Variants in SLC25A21 observed in about 807,000 individuals in gnomAD.
The protein encoded by SLC25A21 is solute carrier family 25 member 21, also known as mitochondrial 2-oxodicarboxylate carrier.
A neutral mutation model predicts 43.8 loss-of-function variants in SLC25A21; 47 were observed. That is an observed-to-expected ratio of 1.07 (90% CI 0.85 to 1.37). SLC25A21 has a LOEUF of 1.37. Among genes scored for constraint, SLC25A21 ranks in the 40% most tolerant of loss-of-function variants. The pLI is 0.00. For missense variants in SLC25A21, 352 were observed against 350.2 expected (o/e 1.00, Z -0.04); for synonymous variants, 131 against 121.3 (o/e 1.08, Z -0.52).
chr14:37,130,101 A>AC (rs1555348969), intron 1 of SLC25A21, among the ~76,000 whole-genome samples: 7 of 150,852 alleles, frequency 4.6e-5, no homozygotes, highest in African/African-American at 9.8e-5. Flanking sequence ...AAAAAAAAAA[A>AC]AACAACTTTA....
rs183220501 is a variant in SLC25A21, at chr14:37,002,903, G to A, written c.71-127899C>T. Among the ~76,000 whole-genome samples, 11 of 152,270 alleles carry A rather than the reference G, an allele frequency of 7.2e-5. No individual in the cohort carries two copies. In the East Asian group the frequency reaches 1.5e-3, roughly 21 times the overall value. On this transcript the variant is annotated intron_variant, in intron 1 of 9. Coordinates refer to ENST00000331299, the MANE Select transcript of SLC25A21 (RefSeq NM_030631.4). ...GTAAAAGGTAACAGGTATAATTTAA[G>A]ACTGTCTGGCATTATCTGCTACAGC... is the stretch of plus-strand genomic sequence containing the variant.
intron 1 of SLC25A21, among the ~76,000 whole-genome samples, chr14:37,025,510 T>A (rs771643985): frequency 7.2e-5 from 11 of 152,184 alleles, no homozygotes; most frequent in Non-Finnish European, 1.3e-4. Context: ...CAAATTAATT[T>A]GTGTTCGGAT....
In SLC25A21 at chr14:36,919,649, A is replaced by ATCTATCTATCTATCTATCTG. The variant is rs1555336820; in HGVS notation, c.71-44646_71-44645insCAGATAGATAGATAGATAGA. ...TATCTATCTATCTATCTATCTATCT[A>ATCTATCTATCTATCTATCTG]TCTATCTATCTATCTATCTCTATTT... is the stretch of plus-strand genomic sequence containing the variant. On this transcript the variant is annotated intron_variant, in intron 1 of 9. Coordinates refer to ENST00000331299, the MANE Select transcript of SLC25A21 (RefSeq NM_030631.4). Among the ~76,000 whole-genome samples, 131 of 149,736 alleles carry ATCTATCTATCTATCTATCTG rather than the reference A, an allele frequency of 8.7e-4. 1 individual carries two copies. Among genetic ancestry groups the ATCTATCTATCTATCTATCTG allele is most frequent in the African/African-American group, 3.2e-3 (125 of 39,490 alleles).
chr14:36,814,145 T>C (rs1888369776), intron 2 of SLC25A21, 144 bp from the exon 3 acceptor site: 1 of 546,082 alleles, frequency 1.8e-6, no homozygotes, highest in South Asian at 2.8e-5. Context: ...TTATTAGCCT[T>C]ATATAATCTT....
chr14:36,883,105 C>T (rs1890788500), intron 1 of SLC25A21, among the ~76,000 whole-genome samples: 1 of 152,128 alleles, frequency 6.6e-6, no homozygotes, highest in African/African-American at 2.4e-5. Flanking sequence ...CCTGAGTGAT[C>T]CTTTTAAATT....
chr14:37,120,021 AAAG>A (rs1280111903), intron 1 of SLC25A21, among the ~76,000 whole-genome samples: 2 of 152,226 alleles, frequency 1.3e-5, no homozygotes, highest in Non-Finnish European at 2.9e-5. Flanking sequence ...GAATCTATCA[AAAG>A]AAGAACATAC....
intron 1 of SLC25A21, among the ~76,000 whole-genome samples, chr14:36,904,346 A>C (rs1273857781): frequency 6.6e-6 from 1 of 152,224 alleles, no homozygotes; most frequent in East Asian, 1.9e-4. Context: ...TAAGGGTAAG[A>C]AAATTATAAA....
At chr14:36,845,789 A>C (rs1418075555) in intron 2 of SLC25A21, among the ~76,000 whole-genome samples, 2 of 152,234 alleles carry the variant, frequency 1.3e-5, no homozygotes, top group African/African-American at 2.4e-5. Flanking sequence ...CTGGGAATTC[A>C]ATGTAAATAT....
chr14:36,997,950 A>G (rs1256114915), intron 1 of SLC25A21, among the ~76,000 whole-genome samples: 2 of 152,208 alleles, frequency 1.3e-5, no homozygotes, highest in Non-Finnish European at 2.9e-5. Flanking sequence ...TTTACAAATG[A>G]GACATCTAAG....
intron 1 of SLC25A21, among the ~76,000 whole-genome samples, chr14:37,102,626 C>T (rs916974044): frequency 1.3e-5 from 2 of 152,040 alleles, no homozygotes; most frequent in African/African-American, 4.8e-5. Flanking sequence ...AAATTCAGAA[C>T]TGAATGCCCC....
chr14:37,119,625 G>C (rs1011019761), intron 1 of SLC25A21, among the ~76,000 whole-genome samples: 1 of 152,134 alleles, frequency 6.6e-6, no homozygotes, highest in East Asian at 1.9e-4. Context: ...CCACGCCGCT[G>C]CTCTGCCTAT....
intron 1 of SLC25A21, among the ~76,000 whole-genome samples, chr14:36,892,140 C>A (rs901070781): frequency 6.6e-6 from 1 of 152,146 alleles, no homozygotes; most frequent in Non-Finnish European, 1.5e-5. Flanking sequence ...AGGGAACCCT[C>A]ACACACTCGC....
intron 1 of SLC25A21, among the ~76,000 whole-genome samples, chr14:37,069,412 T>C (rs1422786495): frequency 6.6e-6 from 1 of 152,220 alleles, no homozygotes; most frequent in Non-Finnish European, 1.5e-5. Context: ...CTATCCTTGA[T>C]GTGTGTACAA....
chr14:37,027,224 T>C (rs1358170777), intron 1 of SLC25A21, among the ~76,000 whole-genome samples: 2 of 150,906 alleles, frequency 1.3e-5, no homozygotes, highest in African/African-American at 2.5e-5. Flanking sequence ...CAGAGACTTC[T>C]AGGGATAATG....
intron 1 of SLC25A21, among the ~76,000 whole-genome samples, chr14:37,027,758 C>G (rs972423250): frequency 6.6e-6 from 1 of 152,162 alleles, no homozygotes; most frequent in Non-Finnish European, 1.5e-5. Flanking sequence ...TTTGGCCTGG[C>G]TTGGTCTCTG....
chr14:36,883,242 T>C (rs1038377012), intron 1 of SLC25A21, among the ~76,000 whole-genome samples: 3 of 152,200 alleles, frequency 2.0e-5, no homozygotes, highest in Non-Finnish European at 4.4e-5. Context: ...CTCCACTGGC[T>C]CTACTCCAGC....
At chr14:37,127,462 T>C (rs1177756859) in intron 1 of SLC25A21, among the ~76,000 whole-genome samples, 2 of 152,350 alleles carry the variant, frequency 1.3e-5, no homozygotes. Flanking sequence ...CCTTTTCAGT[T>C]TTTTCTTTTT....
chr14:37,058,025 C>A (rs1007552947), intron 1 of SLC25A21, among the ~76,000 whole-genome samples: 1 of 152,164 alleles, frequency 6.6e-6, no homozygotes, highest in South Asian at 2.1e-4. Context: ...GGAATATGTT[C>A]ATGAGATGTT....
intron 1 of SLC25A21, among the ~76,000 whole-genome samples, chr14:36,907,691 T>C (rs747080531): frequency 1.3e-5 from 2 of 152,076 alleles, no homozygotes; most frequent in Non-Finnish European, 2.9e-5. Flanking sequence ...GAGTGGTAAA[T>C]ACAGAAGCTT....
Sources: gnomAD v4.1 joint callset for allele counts (sites outside exome capture counted in the v4.1 genomes callset) on GRCh38, gnomAD v4.1.1 for gene constraint, MANE v1.5 for transcripts, NCBI Gene and HGNC (gene_info 2026-07-23, HGNC 2026-07-21) for gene names.